The following LSAMP variants were observed in gnomAD, a reference collection of about 807,000 sequenced individuals.
LSAMP encodes limbic system-associated membrane protein.
A neutral mutation model predicts 38.6 loss-of-function variants in LSAMP; 7 were observed. That is an observed-to-expected ratio of 0.18 (90% CI 0.10 to 0.34). The LOEUF is 0.34. LSAMP is among the 10% of genes least tolerant of loss of function. The pLI is 1.00. For missense variants in LSAMP, 313 were observed against 420.0 expected (o/e 0.75, Z 2.23); for synonymous variants, 154 against 166.8 (o/e 0.92, Z 0.59).
intron 1 of LSAMP, among the ~76,000 whole-genome samples, chr3:116,327,760 G>C (rs761505221): frequency 6.6e-6 from 1 of 152,018 alleles, no homozygotes; most frequent in Non-Finnish European, 1.5e-5. Flanking sequence ...CATTCATTTG[G>C]CAACAGGATG....
intron 2 of LSAMP, among the ~76,000 whole-genome samples, chr3:116,020,367 A>G (rs548490943): frequency 1.1e-4 from 17 of 152,328 alleles, no homozygotes; most frequent in African/African-American, 4.1e-4. Flanking sequence ...AAAACCCAAC[A>G]TAGAGTATTT....
At chr3:116,390,492 T>C (rs2048678698) in intron 1 of LSAMP, among the ~76,000 whole-genome samples, 1 of 152,060 alleles carries the variant, frequency 6.6e-6, no homozygotes, top group African/African-American at 2.4e-5. Flanking sequence ...AGGAAATGTA[T>C]AACAGCATGG....
intron 1 of LSAMP, among the ~76,000 whole-genome samples, chr3:116,355,760 G>A (rs563823607): frequency 6.6e-6 from 1 of 152,166 alleles, no homozygotes; most frequent in African/African-American, 2.4e-5. Flanking sequence ...ATAATAATGG[G>A]CAAAAGATCT....
chr3:116,112,030 A>G (rs749259696), intron 1 of LSAMP, among the ~76,000 whole-genome samples: 4 of 152,230 alleles, frequency 2.6e-5, no homozygotes, highest in Non-Finnish European at 5.9e-5. Flanking sequence ...ATAATTACTC[A>G]ATGGGATTAA....
chr3:116,023,176 C>CTA (rs1284536896), intron 2 of LSAMP, among the ~76,000 whole-genome samples: 31 of 144,924 alleles, frequency 2.1e-4, no homozygotes, highest in South Asian at 1.1e-3. Context: ...GTCTCTCTCT[C>CTA]TCTATATATA....
chr3:116,163,314 G>C (rs1336022445), intron 1 of LSAMP, among the ~76,000 whole-genome samples: 29 of 144,940 alleles, frequency 2.0e-4, no homozygotes, highest in African/African-American at 2.3e-4. Context: ...CTATGAGTGA[G>C]AACATGTGGT....
chr3:116,264,914 C>T (rs183383305), intron 1 of LSAMP, among the ~76,000 whole-genome samples: 1 of 152,252 alleles, frequency 6.6e-6, no homozygotes, highest in African/African-American at 2.4e-5. Context: ...TCTGCCTAAT[C>T]TCTAGCAGCA....
chr3:116,028,470 T>C (rs1940844700), intron 2 of LSAMP, among the ~76,000 whole-genome samples: 1 of 152,206 alleles, frequency 6.6e-6, no homozygotes, highest in Non-Finnish European at 1.5e-5. Context: ...TTGTAGGTGC[T>C]TAACCAATTT....
At chr3:116,386,448 A>G (rs2048627344) in intron 1 of LSAMP, among the ~76,000 whole-genome samples, 1 of 152,048 alleles carries the variant, frequency 6.6e-6, no homozygotes, top group Admixed American at 6.6e-5. Context: ...CAGCATCCTA[A>G]CACAGTCATA....
chr3:115,928,005 A>G (rs948810206), intron 3 of LSAMP, among the ~76,000 whole-genome samples: 2 of 152,244 alleles, frequency 1.3e-5, no homozygotes, highest in African/African-American at 2.4e-5. Flanking sequence ...AATAACTGCT[A>G]GAATGTTTAT....
chr3:116,188,170 T>A (rs921809132), intron 1 of LSAMP, among the ~76,000 whole-genome samples: 1 of 152,104 alleles, frequency 6.6e-6, no homozygotes, highest in Non-Finnish European at 1.5e-5. Flanking sequence ...GCCCTCCCCA[T>A]CCAGACCACT....
chr3:116,042,796 G>A (rs1032787780), intron 2 of LSAMP, among the ~76,000 whole-genome samples: 1 of 152,140 alleles, frequency 6.6e-6, no homozygotes, highest in Admixed American at 6.5e-5. Flanking sequence ...CTGCATGTAT[G>A]TGTCTCTGCC....
intron 2 of LSAMP, among the ~76,000 whole-genome samples, chr3:116,072,846 T>C (rs560498689): frequency 6.6e-6 from 1 of 151,088 alleles, no homozygotes; most frequent in East Asian, 2.0e-4. Context: ...TTCATCCCAT[T>C]CTGTAGATTG....
chr3:116,012,935 A>G (rs1322698782), intron 3 of LSAMP, among the ~76,000 whole-genome samples: 1 of 152,190 alleles, frequency 6.6e-6, no homozygotes, highest in Non-Finnish European at 1.5e-5. Context: ...ACTACTTGGA[A>G]TGGTGGCAAA....
intron 2 of LSAMP, among the ~76,000 whole-genome samples, chr3:116,050,564 G>T (rs1941378366): frequency 6.6e-6 from 1 of 151,834 alleles, no homozygotes; most frequent in African/African-American, 2.4e-5. Flanking sequence ...AAGTCACATG[G>T]TCAAAAATGG....
chr3:115,979,966 A>G (rs1255010139), intron 3 of LSAMP, among the ~76,000 whole-genome samples: 1 of 152,152 alleles, frequency 6.6e-6, no homozygotes, highest in Non-Finnish European at 1.5e-5. Context: ...AGTTCTTTAC[A>G]TAGTCTGTTA....
At chr3:116,165,286 C>A (rs1710022971) in intron 1 of LSAMP, among the ~76,000 whole-genome samples, 1 of 152,040 alleles carries the variant, frequency 6.6e-6, no homozygotes, top group Non-Finnish European at 1.5e-5. Context: ...GTGCCCCCAT[C>A]ATTGCAGCTT....
At chr3:116,354,938 A>G (rs562783263) in intron 1 of LSAMP, among the ~76,000 whole-genome samples, 1 of 152,024 alleles carries the variant, frequency 6.6e-6, no homozygotes, top group African/African-American at 2.4e-5. Flanking sequence ...TGAACACAAC[A>G]TGTATATCAA....
intron 1 of LSAMP, among the ~76,000 whole-genome samples, chr3:116,420,070 G>C (rs1328226803): frequency 6.6e-6 from 1 of 151,710 alleles, no homozygotes; most frequent in African/African-American, 2.4e-5. Flanking sequence ...GCCTAGCACA[G>C]ACCTATTTTT....
Sources: allele counts gnomAD v4.1 joint callset (sites outside exome capture counted in the v4.1 genomes callset), GRCh38; gene constraint gnomAD v4.1.1; transcripts MANE v1.5; gene names NCBI Gene and HGNC (gene_info 2026-07-23, HGNC 2026-07-21).